Variants in CTNND2 observed in about 807,000 individuals in gnomAD.
CTNND2 encodes the protein catenin delta 2, also known as catenin delta-2.
CTNND2 carries 22 observed loss-of-function variants against 144.4 expected under a neutral mutation model. The observed-to-expected ratio is 0.15, with a 90% CI of 0.11 to 0.22. The LOEUF (loss-of-function observed/expected upper bound fraction) is 0.22. Among genes scored for constraint, CTNND2 ranks in the 10% least tolerant of loss-of-function variants. CTNND2 has a pLI of 1.00. For synonymous variants in CTNND2, 751 were observed against 695.6 expected, an observed-to-expected ratio of 1.08 and a Z score of -1.25; for missense variants, 1,353 against 1,618.8, an observed-to-expected ratio of 0.84 and a Z score of 2.82.
chr5:11,792,808 A>G (rs1791205852), intron 1 of CTNND2, among the ~76,000 whole-genome samples: 1 of 151,778 alleles, frequency 6.6e-6, no homozygotes, highest in Non-Finnish European at 1.5e-5. Context: ...TTCTGCTTCC[A>G]TTTCCTCTTT....
At chr5:11,052,895 G>A (rs77231173) in intron 16 of CTNND2, among the ~76,000 whole-genome samples, 29,526 of 151,914 alleles carry the variant, frequency 0.19, 3,426 homozygotes, top group Middle Eastern at 0.29. Context: ...TCATTAGTGA[G>A]GCTTATTTTT....
intron 2 of CTNND2, among the ~76,000 whole-genome samples, chr5:11,623,812 A>ATG (rs1483915866): frequency 1.4e-4 from 3 of 21,156 alleles, no homozygotes; most frequent in South Asian, 1.7e-3. Context: ...GTGTATGTAT[A>ATG]TATATATATA....
chr5:11,513,337 T>C (rs1309341942), intron 3 of CTNND2, among the ~76,000 whole-genome samples: 2 of 152,222 alleles, frequency 1.3e-5, no homozygotes, highest in African/African-American at 4.8e-5. Flanking sequence ...CAGTTTCAAC[T>C]AATAATAAAC....
chr5:11,000,457 G>T (rs1050533074), intron 18 of CTNND2, among the ~76,000 whole-genome samples: 2 of 152,176 alleles, frequency 1.3e-5, no homozygotes, highest in African/African-American at 2.4e-5. Context: ...TAAGGCAGAG[G>T]TTGCAGTGAG....
intron 12 of CTNND2, among the ~76,000 whole-genome samples, chr5:11,144,445 C>A (rs778275547): frequency 1.4e-4 from 21 of 152,266 alleles, no homozygotes; most frequent in South Asian, 2.1e-4. Flanking sequence ...GGCTACCCGA[C>A]CAGAGCCTGG....
intron 11 of CTNND2, among the ~76,000 whole-genome samples, chr5:11,184,152 C>T (rs920902927): frequency 6.6e-6 from 1 of 152,156 alleles, no homozygotes; most frequent in Non-Finnish European, 1.5e-5. Context: ...CTGCCTCTCA[C>T]TAACGATGGA....
chr5:11,545,179 A>C (rs2150075299), intron 3 of CTNND2, among the ~76,000 whole-genome samples: 1 of 149,690 alleles, frequency 6.7e-6, no homozygotes, highest in South Asian at 2.1e-4. Context: ...AAAATTAGCC[A>C]GGCATGGTGG....
At chr5:11,573,799 C>T (rs1018464510) in intron 2 of CTNND2, among the ~76,000 whole-genome samples, 6 of 152,146 alleles carry the variant, frequency 3.9e-5, no homozygotes, top group East Asian at 1.9e-4. Context: ...AAAAATATAA[C>T]GAAACACCTC....
At chr5:11,593,676 C>T (rs537558559) in intron 2 of CTNND2, among the ~76,000 whole-genome samples, 5 of 152,304 alleles carry the variant, frequency 3.3e-5, no homozygotes, top group East Asian at 3.9e-4. Flanking sequence ...CCATGTAAGA[C>T]GTGTCTTTGT....
At chr5:11,778,309 C>G (rs902751290) in intron 1 of CTNND2, among the ~76,000 whole-genome samples, 1 of 151,886 alleles carries the variant, frequency 6.6e-6, no homozygotes, top group East Asian at 1.9e-4. Context: ...CAGAGCTGGG[C>G]GGGGCAGGGG....
chr5:11,160,421 A>C (rs186184932), intron 11 of CTNND2, among the ~76,000 whole-genome samples: 2 of 152,382 alleles, frequency 1.3e-5, no homozygotes, highest in African/African-American at 4.8e-5. Flanking sequence ...ACAGAGCGTC[A>C]CAGTAATTCA....
intron 2 of CTNND2, among the ~76,000 whole-genome samples, chr5:11,621,771 C>G (rs1780857143): frequency 6.6e-6 from 1 of 152,120 alleles, no homozygotes; most frequent in Non-Finnish European, 1.5e-5. Context: ...AGTAAATTAT[C>G]TTTGTTATAT....
At chr5:10,996,405 T>G (rs556553769) in intron 18 of CTNND2, among the ~76,000 whole-genome samples, 2 of 126,416 alleles carry the variant, frequency 1.6e-5, no homozygotes, top group East Asian at 2.5e-4. Flanking sequence ...AAAAGAGCAA[T>G]GAGGAGGGGG....
intron 2 of CTNND2, among the ~76,000 whole-genome samples, chr5:11,731,761 A>G (rs1787402368): frequency 6.6e-6 from 1 of 152,134 alleles, no homozygotes; most frequent in South Asian, 2.1e-4. Context: ...TGTCATATAT[A>G]TTTTTAACCT....
At chr5:11,133,396 A>G (rs986470653) in intron 12 of CTNND2, among the ~76,000 whole-genome samples, 2 of 152,022 alleles carry the variant, frequency 1.3e-5, no homozygotes. Context: ...CTTGTTGCCC[A>G]GGCTGGAGTG....
At chr5:11,020,694 G>A (rs1194548197) in intron 17 of CTNND2, among the ~76,000 whole-genome samples, 1 of 152,026 alleles carries the variant, frequency 6.6e-6, no homozygotes, top group Non-Finnish European at 1.5e-5. Context: ...GATAAATGTA[G>A]TTATAAAAAC....
chr5:11,768,175 T>G (rs1355360797), intron 1 of CTNND2, among the ~76,000 whole-genome samples: 1 of 152,250 alleles, frequency 6.6e-6, no homozygotes, highest in Admixed American at 6.5e-5. Flanking sequence ...GTTGTCTTCC[T>G]GACAATCACT....
At chr5:11,190,258 G>C (rs1301104479) in intron 11 of CTNND2, among the ~76,000 whole-genome samples, 3 of 152,210 alleles carry the variant, frequency 2.0e-5, no homozygotes, top group African/African-American at 7.2e-5. Context: ...CCCCTCACTT[G>C]CTCTTCCCCT....
chr5:11,094,256 G>C (rs1751092165), intron 15 of CTNND2, among the ~76,000 whole-genome samples: 1 of 152,132 alleles, frequency 6.6e-6, no homozygotes, highest in Non-Finnish European at 1.5e-5. Context: ...AATGCTTTCT[G>C]TCTTCTAAAA....
Sources: allele counts gnomAD v4.1 joint callset (sites outside exome capture counted in the v4.1 genomes callset), GRCh38; gene constraint gnomAD v4.1.1; transcripts MANE v1.5; gene names NCBI Gene and HGNC (gene_info 2026-07-23, HGNC 2026-07-21).